The following LNPEP variants were observed in gnomAD, a reference collection of about 807,000 sequenced individuals.
LNPEP encodes leucyl-cystinyl aminopeptidase.
A neutral mutation model predicts 120.6 loss-of-function variants in LNPEP; 64 were observed. That is an observed-to-expected ratio of 0.53 (90% confidence interval 0.43 to 0.65). The LOEUF is 0.65. LNPEP is among the 30% of genes least tolerant of loss of function. LNPEP has a pLI of 0.00. For missense variants in LNPEP, 1,057 were observed against 1,200.0 expected (o/e 0.88, Z 1.76); for synonymous variants, 435 against 425.4 (o/e 1.02, Z -0.28).
intron 1 of LNPEP, chr5:96,936,402 G>A (rs1561422413): frequency 2.4e-6 from 1 of 409,328 alleles, no homozygotes; most frequent in Non-Finnish European, 4.3e-6. Flanking sequence ...CGCCGCCGCC[G>A]CTCGCCCGGG....
chr5:97,014,129 T>G (rs1025929215), intron 12 of LNPEP, among the ~76,000 whole-genome samples: 10 of 152,196 alleles, frequency 6.6e-5, no homozygotes, highest in Middle Eastern at 3.4e-3. Context: ...TTTTATTTTA[T>G]AAGAGAATTA....
chr5:96,992,935 C>A, intron 4 of LNPEP, 80 bp from the exon 5 acceptor site: 1 of 972,720 alleles, frequency 1.0e-6, no homozygotes, highest in Non-Finnish European at 1.5e-6. Context: ...TTCAGATATG[C>A]TAGTCTTGAC....
rs571638080 is a variant in LNPEP at position 97,036,479 on chromosome 5, T to C, written c.*7946T>C. The C allele has an allele frequency of 5.9e-5, 9 of 152,202 alleles. No individual in the cohort carries two copies. The highest frequency in any genetic ancestry group is 1.0e-4 in the Non-Finnish European group (7 of 68,028). The allele number at this position is 152,202 out of a possible 1,614,324, so 9.4% of individuals were successfully genotyped here. A position where few individuals can be genotyped will look rare whatever the true frequency, so the allele number is the denominator to read the frequency against. On this transcript the variant is annotated 3_prime_UTR_variant, in exon 18 of 18. Coordinates refer to ENST00000231368, the MANE Select transcript of LNPEP (RefSeq NM_005575.3). ...ATATCATGTATCCAGACCTGTATGT[T>C]CGCTTTAAGCATTCTTATATCACAC...
In LNPEP at chr5:96,985,142, A is replaced by C; in HGVS notation, c.923A>C (p.Glu308Ala). 1 of 1,613,992 alleles carries C rather than the reference A, an allele frequency of 6.2e-7. No homozygotes were observed. The highest frequency in any genetic ancestry group is 8.5e-7 in the Non-Finnish European group (1 of 1,179,892). ...AGATCTGCTTTTCCTTGTTTTGATGAACCAGCATTTAAAGCCACTTTTATC... is the reference window on the plus strand; with the variant it reads ...AGATCTGCTTTTCCTTGTTTTGATGCACCAGCATTTAAAGCCACTTTTATC... ...AARSAFPCFD[E>A]PAFKATFIIK... The change falls in exon 3 of 18, where the codon GAA becomes GCA. Residue 308 changes from glutamate (E) to alanine (A), a missense_variant. Transcript: ENST00000231368.
At chr5:96,998,755 C>G (rs1790577205) in intron 8 of LNPEP, among the ~76,000 whole-genome samples, 1 of 152,074 alleles carries the variant, frequency 6.6e-6, no homozygotes, top group Admixed American at 6.6e-5. Flanking sequence ...GAGATACAGT[C>G]TATGTCATCA....
intron 1 of LNPEP, among the ~76,000 whole-genome samples, chr5:96,945,249 T>TAA (rs34815125): frequency 1.3e-5 from 2 of 148,462 alleles, no homozygotes; most frequent in African/African-American, 5.0e-5. Context: ...AATTAAAAAT[T>TAA]AAAAAAAAAA....
chr5:96,979,558 C>G lies in LNPEP; in HGVS notation c.440C>G (p.Ser147Ter). The G allele has an allele frequency of 6.2e-7, 1 of 1,614,060 alleles. No homozygotes were observed. The highest frequency in any genetic ancestry group is 8.5e-7 in the Non-Finnish European group (1 of 1,179,962). Residue 147 changes from serine to a stop codon, truncating the protein, a stop_gained, in exon 2 of 18, where the codon TCA becomes TGA. Coordinates refer to ENST00000231368, the MANE Select transcript of LNPEP (RefSeq NM_005575.3). LOFTEE classifies it high-confidence loss of function. ...GAAGGCTGCCATAAAAAAAACCAGTCAATTGGACTAATTCAGCCATTTGCA... is the reference window on the plus strand; with the variant it reads ...GAAGGCTGCCATAAAAAAAACCAGTGAATTGGACTAATTCAGCCATTTGCA... The part of the protein sequence containing the change: ...TKEGCHKKNQ[S>*]IGLIQPFATN...
At chr5:97,002,159 A>G (rs1401454432) in intron 8 of LNPEP, among the ~76,000 whole-genome samples, 3 of 152,034 alleles carry the variant, frequency 2.0e-5, no homozygotes, top group Non-Finnish European at 4.4e-5. Context: ...AAATAAATAA[A>G]TAAATACTTA....
chr5:97,023,861 A>C (rs961283120), intron 14 of LNPEP, among the ~76,000 whole-genome samples: 1 of 152,112 alleles, frequency 6.6e-6, no homozygotes, highest in African/African-American at 2.4e-5. Context: ...CCTTGCCAAC[A>C]CTTGCCATTT....
intron 1 of LNPEP, among the ~76,000 whole-genome samples, chr5:96,968,289 C>A (rs1329943216): frequency 1.3e-5 from 2 of 152,042 alleles, no homozygotes; most frequent in African/African-American, 4.8e-5. Context: ...ACTACACAGT[C>A]TAATTATAAA....
intron 15 of LNPEP, 21 bp downstream of exon 15, chr5:97,024,703 A>T (rs201434557): frequency 6.2e-7 from 1 of 1,605,634 alleles, no homozygotes; most frequent in Non-Finnish European, 8.5e-7. Context: ...ACCGAGGAAT[A>T]TGATATACAG....
At chr5:97,002,331 G>T (rs1790675784) in intron 8 of LNPEP, among the ~76,000 whole-genome samples, 2 of 152,092 alleles carry the variant, frequency 1.3e-5, no homozygotes, top group Non-Finnish European at 2.9e-5. Context: ...TTAGGGAAAG[G>T]TAGAGAGTCT....
chr5:97,017,303 T>A (rs1791090027), intron 13 of LNPEP, among the ~76,000 whole-genome samples: 1 of 152,174 alleles, frequency 6.6e-6, no homozygotes. Context: ...ATCTTTTGCT[T>A]ATTTTTCTAT....
intron 4 of LNPEP, among the ~76,000 whole-genome samples, chr5:96,988,311 A>G (rs1210433721): frequency 7.0e-6 from 1 of 143,866 alleles, no homozygotes; most frequent in Non-Finnish European, 1.5e-5. Flanking sequence ...CCATCTGCAC[A>G]CTGATCTTTC....
intron 11 of LNPEP, among the ~76,000 whole-genome samples, chr5:97,009,131 T>C (rs548689402): frequency 1.3e-5 from 2 of 152,250 alleles, no homozygotes; most frequent in South Asian, 4.1e-4. Context: ...CCTCTTTAGG[T>C]CTTTGCATAT....
At chr5:96,960,857 A>G (rs147204500) in intron 1 of LNPEP, among the ~76,000 whole-genome samples, 1 of 148,728 alleles carries the variant, frequency 6.7e-6, no homozygotes, top group Non-Finnish European at 1.5e-5. Flanking sequence ...ACTGTATAAC[A>G]TGAGAAATTT....
chr5:96,977,885 G>A (rs1316078583), intron 1 of LNPEP, among the ~76,000 whole-genome samples: 1 of 152,132 alleles, frequency 6.6e-6, no homozygotes, highest in African/African-American at 2.4e-5. Flanking sequence ...GTAGAGGGAT[G>A]CAATATAATG....
At position 96,937,963 on chromosome 5, in the gene LNPEP, C is replaced by T. The variant is rs966972213; in HGVS notation, c.19+1789C>T. 2.0e-5 allele frequency among the ~76,000 whole-genome samples: 3 copies of T among 152,086 alleles called. No individual in the cohort carries two copies. The South Asian group carries it at 6.3e-4, about 32-fold the overall frequency. On this transcript the variant is annotated intron_variant, in intron 1 of 17. Transcript: ENST00000231368. ...CTTTCAGAGTTGATGCTGGAGACAG[C>T]TTGGCAGTGCATAATTTTGGTTAAT...
At chr5:96,972,193 T>C (rs1389226867) in intron 1 of LNPEP, among the ~76,000 whole-genome samples, 4 of 152,070 alleles carry the variant, frequency 2.6e-5, no homozygotes, top group African/African-American at 9.7e-5. Flanking sequence ...AAGCCTAAGG[T>C]GTTTATCAGG....
Sources: gnomAD v4.1 joint callset for allele counts (sites outside exome capture counted in the v4.1 genomes callset) on GRCh38, gnomAD v4.1.1 for gene constraint, MANE v1.5 for transcripts, NCBI Gene and HGNC (gene_info 2026-07-23, HGNC 2026-07-21) for gene names.